The following PLCE1 variants were observed in gnomAD, a reference collection of about 807,000 sequenced individuals.
The protein encoded by PLCE1 is phospholipase C epsilon 1.
A neutral mutation model predicts 242.8 loss-of-function variants in PLCE1; 119 were observed. The observed-to-expected ratio is 0.49, with a 90% CI of 0.42 to 0.57. The LOEUF (loss-of-function observed/expected upper bound fraction) is 0.57. PLCE1 is among the 20% of genes least tolerant of loss of function. The probability of loss-of-function intolerance (pLI) is 0.00; values close to 1 mark genes in which losing one functional copy is unlikely to be tolerated. For synonymous variants in PLCE1, 945 were observed against 1,017.4 expected, an observed-to-expected ratio of 0.93 and a Z score of 1.35; for missense variants, 2,441 against 2,788.8, an observed-to-expected ratio of 0.88 and a Z score of 2.81.
intron 2 of PLCE1, among the ~76,000 whole-genome samples, chr10:94,050,796 A>G (rs2043744082): frequency 6.6e-6 from 1 of 152,204 alleles, no homozygotes; most frequent in African/African-American, 2.4e-5. Context: ...TTGTAGTCAT[A>G]ATATGCAAGG....
At chr10:94,188,262 G>T (rs1038368041) in intron 4 of PLCE1, among the ~76,000 whole-genome samples, 6 of 152,162 alleles carry the variant, frequency 3.9e-5, no homozygotes, top group African/African-American at 1.4e-4. Flanking sequence ...TATATTTATA[G>T]TCCTTTAATA....
At chr10:94,008,022 A>G (rs2061081440) in intron 1 of PLCE1, among the ~76,000 whole-genome samples, 1 of 151,424 alleles carries the variant, frequency 6.6e-6, no homozygotes, top group East Asian at 2.0e-4. Flanking sequence ...CTCCAAAAAA[A>G]AGAAAAAGGA....
At chr10:94,088,254 A>G (rs1230283900) in intron 2 of PLCE1, 1 of 152,264 alleles carries the variant, frequency 6.6e-6, no homozygotes, top group East Asian at 1.9e-4. Context: ...GTGCTTACAC[A>G]TTGCCTGGCA....
chr10:94,151,718 C>G (rs530383085), intron 3 of PLCE1, among the ~76,000 whole-genome samples: 1 of 152,128 alleles, frequency 6.6e-6, no homozygotes, highest in East Asian at 1.9e-4. Context: ...TGCAAGGGGG[C>G]CAGAAATGAG....
intron 11 of PLCE1, 68 bp from the exon 12 acceptor site, chr10:94,258,732 A>G: frequency 5.6e-6 from 9 of 1,605,308 alleles, no homozygotes. Flanking sequence ...AATTGGAGCA[A>G]GTCTGGTGGG....
intron 2 of PLCE1, among the ~76,000 whole-genome samples, chr10:94,111,749 G>A (rs1009383568): frequency 1.3e-5 from 2 of 152,164 alleles, no homozygotes; most frequent in Admixed American, 1.3e-4. Flanking sequence ...TTTGAATTTC[G>A]ATGGGTAGTA....
At chr10:94,237,800 A>T (rs532966299) in intron 7 of PLCE1, among the ~76,000 whole-genome samples, 7 of 152,292 alleles carry the variant, frequency 4.6e-5, no homozygotes, top group African/African-American at 1.7e-4. Flanking sequence ...GGACTTGGGA[A>T]TCCATTCCTG....
intron 1 of PLCE1, among the ~76,000 whole-genome samples, chr10:94,023,861 A>G (rs2061416167): frequency 6.6e-6 from 1 of 152,058 alleles, no homozygotes; most frequent in Non-Finnish European, 1.5e-5. Flanking sequence ...AACTTTTCTA[A>G]TAAAGGGAGT....
intron 4 of PLCE1, among the ~76,000 whole-genome samples, chr10:94,201,105 AT>A (rs1262405893): frequency 1.3e-5 from 2 of 152,218 alleles, no homozygotes; most frequent in Non-Finnish European, 2.9e-5. Context: ...CATCAATAAT[AT>A]TTTATTAATT....
chr10:94,316,816 C>G, intron 29 of PLCE1, 60 bp downstream of exon 29: 1 of 1,199,392 alleles, frequency 8.3e-7, no homozygotes, highest in Non-Finnish European at 1.2e-6. Context: ...AGCCATTTAC[C>G]ACTCACAACC....
intron 2 of PLCE1, among the ~76,000 whole-genome samples, chr10:94,068,289 A>G (rs1175708600): frequency 6.6e-6 from 1 of 152,114 alleles, no homozygotes. Context: ...TCGTGCTCCC[A>G]TCATACTCCA....
intron 2 of PLCE1, among the ~76,000 whole-genome samples, chr10:94,124,011 CAGG>C (rs1382920369): frequency 6.6e-6 from 1 of 152,060 alleles, no homozygotes; most frequent in Non-Finnish European, 1.5e-5. Flanking sequence ...AGAGAGGGAA[CAGG>C]AGAAGCTAAT....
At chr10:94,215,582 G>T (rs552679364) in intron 4 of PLCE1, among the ~76,000 whole-genome samples, 1 of 152,304 alleles carries the variant, frequency 6.6e-6, no homozygotes, top group South Asian at 2.1e-4. Flanking sequence ...GAAAGTGAAG[G>T]AGTTAAGGAC....
intron 3 of PLCE1, among the ~76,000 whole-genome samples, chr10:94,169,917 C>T (rs1237130994): frequency 2.0e-5 from 3 of 152,234 alleles, no homozygotes; most frequent in South Asian, 2.1e-4. Context: ...AAATGCTTAT[C>T]GTAGCACCAG....
chr10:94,079,452 G>T (rs186769224), intron 2 of PLCE1, among the ~76,000 whole-genome samples: 3 of 152,212 alleles, frequency 2.0e-5, no homozygotes, highest in African/African-American at 7.2e-5. Flanking sequence ...CCTGTCGTGG[G>T]GTGGGGAGCG....
intron 4 of PLCE1, among the ~76,000 whole-genome samples, chr10:94,173,691 T>C (rs1387221407): frequency 6.6e-6 from 1 of 152,218 alleles, no homozygotes; most frequent in African/African-American, 2.4e-5. Flanking sequence ...AGAGATGATA[T>C]GACCTACAGC....
intron 1 of PLCE1, among the ~76,000 whole-genome samples, chr10:94,007,581 T>G (rs1299375600): frequency 1.3e-5 from 2 of 148,638 alleles, no homozygotes; most frequent in Admixed American, 6.7e-5. Flanking sequence ...CTCTCTTTTT[T>G]TTTTTTTTTT....
chr10:94,248,182 T>C (rs769080370), intron 8 of PLCE1, among the ~76,000 whole-genome samples: 3 of 152,218 alleles, frequency 2.0e-5, no homozygotes, highest in Non-Finnish European at 4.4e-5. Flanking sequence ...GTCACGATTA[T>C]GAGCAGAGAC....
intron 1 of PLCE1, among the ~76,000 whole-genome samples, chr10:94,022,870 G>A (rs2061396234): frequency 1.3e-5 from 2 of 152,096 alleles, no homozygotes; most frequent in African/African-American, 4.8e-5. Flanking sequence ...GGCTCATATA[G>A]CCATGGAAGG....
Sources: gnomAD v4.1 joint callset for allele counts (sites outside exome capture counted in the v4.1 genomes callset) on GRCh38, gnomAD v4.1.1 for gene constraint, MANE v1.5 for transcripts, NCBI Gene and HGNC (gene_info 2026-07-23, HGNC 2026-07-21) for gene names.